The following KIF21B variants were observed in gnomAD, a reference collection of about 807,000 sequenced individuals.
KIF21B encodes kinesin-like protein KIF21B.
In KIF21B, 85 loss-of-function variants were observed where a neutral mutation model predicts 192.9. That is an observed-to-expected ratio of 0.44 (90% CI 0.37 to 0.53). KIF21B has a LOEUF of 0.53. KIF21B is among the 20% of genes least tolerant of loss of function. KIF21B has a pLI of 0.00. For missense variants in KIF21B, 1,716 were observed against 2,194.8 expected (o/e 0.78, Z 4.36); for synonymous variants, 832 against 884.6 (o/e 0.94, Z 1.05).
chr1:200,974,726 AAG>A lies in KIF21B; in HGVS notation c.4800_4801del (p.Phe1601HisfsTer5). On this transcript the variant is annotated frameshift_variant, in exon 34 of 35. Coordinates refer to ENST00000461742, the MANE Select transcript of KIF21B (RefSeq NM_001252102.2). LOFTEE classifies it high-confidence loss of function. The stretch of plus-strand genomic sequence containing the variant: ...GACCAGCACCCACCTGGAGGCTGTG[AAG>A]ATATGCTTGGCATTGGTGCAGATGG... The A allele has an allele frequency of 6.2e-7, 1 of 1,614,178 alleles. No homozygotes were observed. Among genetic ancestry groups the A allele is most frequent in the South Asian group, 1.1e-5 (1 of 91,092 alleles).
At position 201,023,246 on chromosome 1, in the gene KIF21B, TCCAGCCCAAGCGGTGCTCGCGCCC is replaced by T. The variant is rs1558034863; in HGVS notation, c.41+73_41+96del. ...CGGCCCCTCCTCCGGGAGTGCAGGC[TCCAGCCCAAGCGGTGCTCGCGCCC>T]CCCGCCCAAAGCCCACGCGAGACAA... On this transcript the variant is annotated intron_variant, in intron 1 of 34. Coordinates refer to ENST00000461742, the MANE Select transcript of KIF21B (RefSeq NM_001252102.2). The surrounding 1 kb of genome is among the most constrained non-coding windows in gnomAD (Gnocchi z 5.9). 7 of 1,103,148 alleles carry T rather than the reference TCCAGCCCAAGCGGTGCTCGCGCCC, an allele frequency of 6.3e-6. No homozygotes were observed. Among genetic ancestry groups the T allele is most frequent in the African/African-American group, 1.6e-5 (1 of 61,098 alleles). The allele number at this position is 1,103,148 out of a possible 1,614,324, so 68.3% of individuals were successfully genotyped here. A position where few individuals can be genotyped will look rare whatever the true frequency, so the allele number is the denominator to read the frequency against.
chr1:201,003,672 C>T lies in KIF21B; in HGVS notation c.1126G>A (p.Val376Met), dbSNP rs1657637012. The T allele has an allele frequency of 1.9e-6, 3 of 1,614,246 alleles. No individual in the cohort carries two copies. Among genetic ancestry groups the T allele is most frequent in the Non-Finnish European group, 2.5e-6 (3 of 1,180,034 alleles). ...TGCTGGCTGGTCTTGTCCTGGTTCA[C>T]TACCACCTTGTTCTTGATGTTGCGG... Reference protein sequence around the residue: ...RARNIKNKVVVNQDKTSQQIS... With the variant: ...RARNIKNKVVMNQDKTSQQIS... Residue 376 changes from valine to methionine, a missense_variant, in exon 8 of 35, where the codon GTG (valine) becomes ATG (methionine). Val to Met is a conservative substitution (Grantham distance 21). This residue lies in a region of KIF21B where 1,087 missense variants were observed against 1,316.6 expected (regional missense o/e 0.83). Coordinates refer to ENST00000461742, the MANE Select transcript of KIF21B (RefSeq NM_001252102.2).
At chr1:201,018,738 G>A (rs1475252993) in intron 1 of KIF21B, among the ~76,000 whole-genome samples, 2 of 152,212 alleles carry the variant, frequency 1.3e-5, no homozygotes, top group African/African-American at 2.4e-5. Flanking sequence ...ATGGGATGCT[G>A]TAGGCACAGA....
chr1:201,007,343 CAGAGACACATAG>C (rs1657928433), intron 3 of KIF21B, among the ~76,000 whole-genome samples: 1 of 100,374 alleles, frequency 1.0e-5, no homozygotes, highest in Non-Finnish European at 2.0e-5. Flanking sequence ...CACACAGACA[CAGAGACACATAG>C]ACACACACAC....
In KIF21B at chr1:200,998,582, G is replaced by A. The variant is rs1558014737; in HGVS notation, c.1886-7C>T. 5 of 1,612,196 alleles carry A rather than the reference G, an allele frequency of 3.1e-6. No homozygotes were observed. Among genetic ancestry groups the A allele is most frequent in the South Asian group, 1.1e-5 (1 of 91,068 alleles). On this transcript the variant is annotated splice_polypyrimidine_tract_variant and splice_region_variant and intron_variant, in intron 13 of 34. Transcript: ENST00000461742. The surrounding 1 kb of genome is among the most constrained non-coding windows in gnomAD (Gnocchi z 4.3). ...TCCGCCTGGAAGTTCACCTCTATGGGGGCACAATCAGGCTCAGCCCAGCGT... is the reference window on the plus strand; with the variant it reads ...TCCGCCTGGAAGTTCACCTCTATGGAGGCACAATCAGGCTCAGCCCAGCGT...
rs2275485 is a variant in KIF21B at position 200,987,160 on chromosome 1, A to G, written c.3450T>C (p.Ala1150=). ...KLSAQMKAVS[A]ECLGPPLDIS... The stretch of plus-strand genomic sequence containing the variant: ...TATCCAGTGGGGGGCCCAGGCACTC[A>G]GCCGACACAGCTTTCATTTGGGCAG... The change falls in exon 25 of 35, where the codon GCT becomes GCC. Residue 1150 remains alanine, a synonymous_variant. Coordinates refer to ENST00000461742, the MANE Select transcript of KIF21B (RefSeq NM_001252102.2). 311,852 of 1,613,616 alleles carry G rather than the reference A, an allele frequency of 0.19. 33,392 individuals carry two copies. Among genetic ancestry groups the G allele is most frequent in the African/African-American group, 0.43 (32,130 of 74,876 alleles).
chr1:200,989,255 G>A (rs767973649), intron 21 of KIF21B, among the ~76,000 whole-genome samples: 1 of 152,192 alleles, frequency 6.6e-6, no homozygotes, highest in African/African-American at 2.4e-5. Context: ...GCCCTCTCTT[G>A]TTTGAGGCTC....
rs116835497 is a variant in KIF21B, at chr1:200,981,128, C to T, written c.3843-32G>A. 1.1e-3 allele frequency: 1,675 copies of T among 1,568,500 alleles called. 15 individuals are homozygous for T. The African/African-American group carries it at 0.02, about 19-fold the overall frequency. ...GGGAGAGAGGGAGAGAAGGCATGCT[C>T]GTCAGCCAGGGAGACTGTGGCCAGG... is the stretch of plus-strand genomic sequence containing the variant. On this transcript the variant is annotated intron_variant, in intron 28 of 34. Coordinates refer to ENST00000461742, the MANE Select transcript of KIF21B (RefSeq NM_001252102.2).
At chr1:200,980,109 T>C (rs1465101414) in intron 29 of KIF21B, among the ~76,000 whole-genome samples, 2 of 152,178 alleles carry the variant, frequency 1.3e-5, no homozygotes, top group African/African-American at 4.8e-5. Flanking sequence ...ATGGGAAAAC[T>C]TGGAATCAAT....
chr1:200,996,282 G>A lies in KIF21B; in HGVS notation c.2191C>T (p.His731Tyr). The A allele has an allele frequency of 6.2e-7, 1 of 1,614,106 alleles. No individual in the cohort carries two copies. Among genetic ancestry groups the A allele is most frequent in the Non-Finnish European group, 8.5e-7 (1 of 1,180,020 alleles). Residue 731 changes from histidine to tyrosine, a missense_variant, in exon 15 of 35, where the codon CAC (histidine) becomes TAC (tyrosine). Around this residue, in one of 3 missense-constraint regions of KIF21B, gnomAD observed 1,087 missense variants for 1,316.6 expected, o/e 0.83. Transcript: ENST00000461742. Reference protein sequence around the residue: ...LQKLQAAQKEHARLLKNQSRY... With the variant: ...LQKLQAAQKEYARLLKNQSRY... ...GACTGGTTCTTAAGCAGCCGGGCGT[G>A]CTCTTTCTGGGCGGCCTGCAGCTTC...
Position 200,990,261 on chromosome 1 carries a change from G to A in KIF21B, c.2907C>T (p.Pro969=), listed in dbSNP as rs749368413. Residue 969 remains proline (P), a synonymous_variant, in exon 20 of 35, where the codon CCC becomes CCT. Coordinates refer to ENST00000461742, the MANE Select transcript of KIF21B (RefSeq NM_001252102.2). The surrounding 1 kb of genome is among the most constrained non-coding windows in gnomAD (Gnocchi z 5.4). ...RKRERLQAES[P]EEEKGLQELA... ...GCTCCTGCAGCCCCTTCTCTTCCTCGGGGCTCTCAGCCTGCAGCCGCTCCC... is the reference window on the plus strand; with the variant it reads ...GCTCCTGCAGCCCCTTCTCTTCCTCAGGGCTCTCAGCCTGCAGCCGCTCCC... 59 of 1,613,578 alleles carry A rather than the reference G, an allele frequency of 3.7e-5. No individual in the cohort carries two copies. Among genetic ancestry groups the A allele is most frequent in the South Asian group, 4.4e-5 (4 of 91,086 alleles).
chr1:200,997,767 C>T (rs1657169099), intron 14 of KIF21B, among the ~76,000 whole-genome samples: 1 of 152,050 alleles, frequency 6.6e-6, no homozygotes, highest in African/African-American at 2.4e-5. Context: ...CAAAACAAAA[C>T]AAAACTCCAA....
At position 200,996,403 on chromosome 1, in the gene KIF21B, C is replaced by G. The variant is rs200724989; in HGVS notation, c.2078-8G>C. On this transcript the variant is annotated splice_polypyrimidine_tract_variant and splice_region_variant and intron_variant, in intron 14 of 34. Coordinates refer to ENST00000461742, the MANE Select transcript of KIF21B (RefSeq NM_001252102.2). ...TATAGCACTCCATGGTGCCTGAGAG[C>G]AAGGAGACGCAGCTGTCGGTGCTGG... is the stretch of plus-strand genomic sequence containing the variant. 2.1e-4 allele frequency: 333 copies of G among 1,613,094 alleles called. No homozygotes were observed. Among genetic ancestry groups the G allele is most frequent in the Non-Finnish European group, 2.6e-4 (302 of 1,179,414 alleles).
Position 201,004,830 on chromosome 1 carries a change from C to T in KIF21B, c.836G>A (p.Arg279Gln), listed in dbSNP as rs1167009890. ...GCCAGTAGCCCCTGTCCGCTTCAGC[C>T]GCTCTGAGCCGGCCAGGTCCACAAA... Reference protein sequence around the residue: ...FHFVDLAGSERLKRTGATGER... With the variant: ...FHFVDLAGSEQLKRTGATGER... Residue 279 changes from arginine (R) to glutamine (Q), a missense_variant, in exon 6 of 35, where the codon CGG (arginine) becomes CAG (glutamine). Coordinates refer to ENST00000461742, the MANE Select transcript of KIF21B (RefSeq NM_001252102.2). 2.5e-6 allele frequency: 4 copies of T among 1,614,140 alleles called. No homozygotes were observed. Among genetic ancestry groups the T allele is most frequent in the South Asian group, 1.1e-5 (1 of 91,086 alleles).
At chr1:201,015,063 CATTAT>C (rs908146765) in intron 1 of KIF21B, among the ~76,000 whole-genome samples, 1 of 152,216 alleles carries the variant, frequency 6.6e-6, no homozygotes, top group African/African-American at 2.4e-5. Flanking sequence ...TAGGTCATTA[CATTAT>C]ATCATTTAGT....
intron 5 of KIF21B, 88 bp from the exon 6 acceptor site, chr1:201,005,021 G>A (rs1657722263): frequency 3.5e-6 from 5 of 1,437,220 alleles, no homozygotes; most frequent in African/African-American, 2.8e-5. Flanking sequence ...GGAGAGGCAC[G>A]GTGGACGGCC....
At chr1:201,003,285 G>A (rs1033440551) in intron 8 of KIF21B, 13 of 457,326 alleles carry the variant, frequency 2.8e-5, no homozygotes, top group Non-Finnish European at 4.5e-5. Flanking sequence ...AAACACCCTG[G>A]AGAGTGTCTG....
In KIF21B at chr1:200,988,344, C is replaced by G. The variant is rs748341444; in HGVS notation, c.3360G>C (p.Gln1120His). The change falls in exon 24 of 35, where the codon CAG becomes CAC. Residue 1120 changes from glutamine (Q) to histidine (H), a missense_variant. This residue lies in a region of KIF21B where 580 missense variants were observed against 775.5 expected (regional missense o/e 0.75). Coordinates refer to ENST00000461742, the MANE Select transcript of KIF21B (RefSeq NM_001252102.2). ...ISEFSEGSFS[Q>H]SFTMKGSTSH... ...TGGTGGAGCCTTTCATGGTGAATGACTGGGAGAAGCTGAGGAAGAAGCAGA... is the reference window on the plus strand; with the variant it reads ...TGGTGGAGCCTTTCATGGTGAATGAGTGGGAGAAGCTGAGGAAGAAGCAGA... 3.1e-6 allele frequency: 5 copies of G among 1,614,100 alleles called. No homozygotes were observed. The highest frequency in any genetic ancestry group is 4.2e-6 in the Non-Finnish European group (5 of 1,180,020).
chr1:200,995,590 G>A (rs572319486), intron 15 of KIF21B, among the ~76,000 whole-genome samples: 2 of 152,370 alleles, frequency 1.3e-5, no homozygotes, highest in East Asian at 3.8e-4. Context: ...GTGCCACCTG[G>A]AACACACAGT....
Sources: gnomAD v4.1 joint callset for allele counts (sites outside exome capture counted in the v4.1 genomes callset) on GRCh38, gnomAD v4.1.1 for gene constraint, gnomAD v4.1.1 regional missense constraint, Gnocchi (gnomAD v3.1) non-coding constraint, MANE v1.5 for transcripts, NCBI Gene and HGNC (gene_info 2026-07-23, HGNC 2026-07-21) for gene names.